XNDC1N: variants seen among roughly 807,000 people sequenced by gnomAD.
XNDC1N encodes XRCC1 N-terminal domain containing 1, N-terminal like.
the XNDC1N span, among the ~76,000 whole-genome samples, chr11:71,885,986 A>G: frequency 1.4e-5 from 2 of 145,104 alleles, no homozygotes; most frequent in Non-Finnish European, 1.6e-5. Context: ...ATTAGTGTCA[A>G]TTAATAATTG....
the XNDC1N span, chr11:71,893,352 T>C: frequency 3.6e-5 from 21 of 590,398 alleles, no homozygotes; most frequent in South Asian, 3.8e-4. Flanking sequence ...TGGCGGTGTA[T>C]GGTCCGCAAG....
chr11:71,916,511 T>G, the XNDC1N span: 5 of 442,322 alleles, frequency 1.1e-5, no homozygotes, highest in Non-Finnish European at 2.1e-5. Context: ...ATTCTCAGCA[T>G]GAATTCTATA....
chr11:71,909,657 T>C, the XNDC1N span, among the ~76,000 whole-genome samples: 21 of 152,322 alleles, frequency 1.4e-4, no homozygotes, highest in South Asian at 1.7e-3. Flanking sequence ...CCGCCCTTGT[T>C]GCCCCCTTAT....
the XNDC1N span, among the ~76,000 whole-genome samples, chr11:71,887,851 G>T: frequency 6.6e-6 from 1 of 152,190 alleles, no homozygotes; most frequent in East Asian, 1.9e-4. Flanking sequence ...AGGACAGCTG[G>T]TTCACCTGCT....
At chr11:71,903,152 C>A in the XNDC1N span, 1 of 673,144 alleles carries the variant, frequency 1.5e-6, no homozygotes, top group Non-Finnish European at 2.7e-6. Context: ...GATTTTTCAA[C>A]CCTCTTTTCC....
At chr11:71,925,472 G>C in the XNDC1N span, among the ~76,000 whole-genome samples, 3 of 152,044 alleles carry the variant, frequency 2.0e-5, no homozygotes, top group Non-Finnish European at 2.9e-5. Context: ...GCCAGTATGC[G>C]GCTAAGGCTT....
the XNDC1N span, among the ~76,000 whole-genome samples, chr11:71,895,312 T>C: frequency 6.6e-6 from 1 of 152,000 alleles, no homozygotes; most frequent in East Asian, 1.9e-4. Flanking sequence ...TTTCTATTTC[T>C]TTCCCTTTTT....
At chr11:71,899,531 C>A in the XNDC1N span, among the ~76,000 whole-genome samples, 1 of 152,210 alleles carries the variant, frequency 6.6e-6, no homozygotes, top group Non-Finnish European at 1.5e-5. Flanking sequence ...CTGAAGCTCA[C>A]AAAAACATGT....
chr11:71,892,021 C>T, the XNDC1N span, among the ~76,000 whole-genome samples: 2 of 151,958 alleles, frequency 1.3e-5, no homozygotes, highest in African/African-American at 2.4e-5. Flanking sequence ...TCCTCTCCTT[C>T]CCTGGATATT....
the XNDC1N span, among the ~76,000 whole-genome samples, chr11:71,912,827 T>C: frequency 2.0e-5 from 3 of 152,246 alleles, no homozygotes; most frequent in African/African-American, 7.2e-5. Context: ...TCACTGGGGA[T>C]GTGAACAGCC....
chr11:71,916,974 T>C, the XNDC1N span: 4 of 165,426 alleles, frequency 2.4e-5, no homozygotes, highest in Non-Finnish European at 3.9e-5. Flanking sequence ...ACATCTATCC[T>C]ACATCCACAC....
the XNDC1N span, among the ~76,000 whole-genome samples, chr11:71,910,896 C>G: frequency 6.6e-6 from 1 of 152,198 alleles, no homozygotes; most frequent in African/African-American, 2.4e-5. Context: ...ATGCGGATCC[C>G]AACAACAGCA....
the XNDC1N span, among the ~76,000 whole-genome samples, chr11:71,898,144 AC>A: frequency 6.6e-6 from 1 of 152,196 alleles, no homozygotes; most frequent in East Asian, 1.9e-4. Flanking sequence ...CGATTGTGCC[AC>A]TGCACTCCAG....
chr11:71,877,396 G>A, the XNDC1N span, among the ~76,000 whole-genome samples: 12 of 152,332 alleles, frequency 7.9e-5, no homozygotes, highest in Admixed American at 1.3e-4. Context: ...CCAGCACTTC[G>A]GGAGGCCGAG....
chr11:71,916,298 T>C, the XNDC1N span: 3 of 698,988 alleles, frequency 4.3e-6, no homozygotes, highest in Non-Finnish European at 7.8e-6. Flanking sequence ...TGGAAATGCA[T>C]AAATGGGAGA....
At chr11:71,898,138 T>A in the XNDC1N span, among the ~76,000 whole-genome samples, 1 of 151,426 alleles carries the variant, frequency 6.6e-6, no homozygotes, top group East Asian at 2.0e-4. Flanking sequence ...GAGCCCCGAT[T>A]GTGCCACTGC....
At chr11:71,884,326 A>G in the XNDC1N span, 15 of 1,370,878 alleles carry the variant, frequency 1.1e-5, no homozygotes, top group Non-Finnish European at 1.4e-5. Context: ...AATGCTTTTA[A>G]TTTATTATAA....
chr11:71,895,663 C>A, the XNDC1N span, among the ~76,000 whole-genome samples: 7,290 of 147,814 alleles, frequency 0.049, 527 homozygotes, highest in African/African-American at 0.16. Context: ...TGTTGAAGTT[C>A]TACATTTATA....
chr11:71,914,943 AT>A, the XNDC1N span, among the ~76,000 whole-genome samples: 1 of 152,214 alleles, frequency 6.6e-6, no homozygotes, highest in African/African-American at 2.4e-5. Context: ...ATTGACTCAA[AT>A]TTTGAAAGAA....
Sources: allele counts gnomAD v4.1 joint callset (sites outside exome capture counted in the v4.1 genomes callset), GRCh38; gene constraint gnomAD v4.1.1; transcripts MANE v1.5; gene names NCBI Gene and HGNC (gene_info 2026-07-23, HGNC 2026-07-21).